The following TLR2 variants were observed in gnomAD, a reference collection of about 807,000 sequenced individuals.
TLR2 encodes the protein toll like receptor 2, also known as toll-like receptor 2.
A neutral mutation model predicts 9.1 loss-of-function variants in TLR2; 7 were observed. The observed-to-expected ratio is 0.77, with a 90% CI of 0.44 to 1.44. The LOEUF (loss-of-function observed/expected upper bound fraction) is 1.44, where lower values mean the gene tolerates loss of function less well. TLR2 is among the 40% of genes most tolerant of loss of function. The pLI is 0.01. For missense variants in TLR2, 812 were observed against 904.6 expected (o/e 0.90, Z 1.31); for synonymous variants, 317 against 344.6 (o/e 0.92, Z 0.89).
intron 2 of TLR2, among the ~76,000 whole-genome samples, chr4:153,689,935 G>T (rs1488833581): frequency 6.6e-6 from 1 of 152,214 alleles, no homozygotes; most frequent in African/African-American, 2.4e-5. Flanking sequence ...CTCAGCATCA[G>T]TCTCGACATG....
downstream of TLR2, among the ~76,000 whole-genome samples, chr4:153,707,940 C>G (rs945141102): frequency 6.6e-6 from 1 of 152,158 alleles, no homozygotes; most frequent in East Asian, 1.9e-4. Context: ...TCTCCTCTGG[C>G]AACACCCTCA....
chr4:153,697,710 A>G (rs371588708), intron 2 of TLR2, among the ~76,000 whole-genome samples: 1 of 152,192 alleles, frequency 6.6e-6, no homozygotes, highest in Non-Finnish European at 1.5e-5. Flanking sequence ...AAAGAGAGAT[A>G]TTAAACTAAT....
chr4:153,698,457 T>C (rs77437382), intron 2 of TLR2, among the ~76,000 whole-genome samples: 2,089 of 152,252 alleles, frequency 0.014, 19 homozygotes, highest in Middle Eastern at 0.096. Context: ...ATGATATAAA[T>C]TTAGTGTTAA....
At chr4:153,685,105 C>G (rs1034518542) in intron 1 of TLR2, among the ~76,000 whole-genome samples, 7 of 152,344 alleles carry the variant, frequency 4.6e-5, no homozygotes, top group Admixed American at 1.3e-4. Flanking sequence ...GACCTCTGCT[C>G]CCTGGCAGGC....
chr4:153,690,788 G>A (rs990836676), intron 2 of TLR2, among the ~76,000 whole-genome samples: 11 of 152,236 alleles, frequency 7.2e-5, no homozygotes, highest in African/African-American at 2.7e-4. Context: ...AAAGTGTCTA[G>A]CATTAGATAT....
chr4:153,695,185 A>G (rs964439814), intron 2 of TLR2, among the ~76,000 whole-genome samples: 2 of 152,200 alleles, frequency 1.3e-5, no homozygotes, highest in Non-Finnish European at 1.5e-5. Flanking sequence ...TTGGGTATAT[A>G]CCTAGCAGTG....
intron 2 of TLR2, among the ~76,000 whole-genome samples, chr4:153,699,925 C>A (rs180762088): frequency 6.6e-6 from 1 of 152,060 alleles, no homozygotes; most frequent in African/African-American, 2.4e-5. Context: ...TAAGGGAATA[C>A]CTGAAGCTGG....
chr4:153,707,547 C>T (rs1315391333), downstream of TLR2, among the ~76,000 whole-genome samples: 1 of 151,774 alleles, frequency 6.6e-6, no homozygotes, highest in East Asian at 1.9e-4. Flanking sequence ...AAGACACTGT[C>T]TCAAAAAAAC....
In TLR2 at chr4:153,704,643, G is replaced by A. The variant is rs5743703; in HGVS notation, c.1736G>A (p.Arg579His). 5.0e-4 allele frequency: 803 copies of A among 1,613,292 alleles called. 2 individuals are homozygous for A. In the African/African-American group the frequency reaches 9.1e-3, roughly 18 times the overall value. The change falls in exon 3 of 3, where the codon CGC (arginine) becomes CAC (histidine). Residue 579 changes from arginine (R) to histidine (H), a missense_variant. By Grantham distance (29) the Arg-to-His change is conservative. Coordinates refer to ENST00000642700, the MANE Select transcript of TLR2 (RefSeq NM_001318789.2). ...CGTGGCCAGCAGGTTCAGGATGTCCGCCTCTCGGTGTCGGAATGTCACAGG... is the reference window on the plus strand; with the variant it reads ...CGTGGCCAGCAGGTTCAGGATGTCCACCTCTCGGTGTCGGAATGTCACAGG... ...HVRGQQVQDV[R>H]LSVSECHRTA... is the part of the protein sequence containing the mutation.
chr4:153,694,266 A>G (rs1051624543), intron 2 of TLR2, among the ~76,000 whole-genome samples: 5 of 152,214 alleles, frequency 3.3e-5, no homozygotes, highest in East Asian at 1.9e-4. Context: ...GTGGTTTTCC[A>G]TCTTGGGTGG....
In TLR2 at chr4:153,703,769, AC is replaced by A; in HGVS notation, c.865del (p.Asn290MetfsTer15). 6.2e-7 allele frequency: 1 copy of A among 1,613,978 alleles called. No homozygotes were observed. Among genetic ancestry groups the A allele is most frequent in the Non-Finnish European group, 8.5e-7 (1 of 1,180,000 alleles). ...GTTAGAATTAGAGTTTGATGACTGT[AC>A]CCTTAATGGAGTTGGTAATTTTAGA... ...GLLELEFDDC[T>X]LNGVGNFRAS... On this transcript the variant is annotated frameshift_variant, in exon 3 of 3. Transcript: ENST00000642700. LOFTEE classifies it low-confidence loss of function (END_TRUNC).
chr4:153,698,564 G>C (rs1736664791), intron 2 of TLR2, among the ~76,000 whole-genome samples: 1 of 152,128 alleles, frequency 6.6e-6, no homozygotes, highest in Non-Finnish European at 1.5e-5. Flanking sequence ...TCACAGAATA[G>C]ATAACGTGAA....
downstream of TLR2, chr4:153,710,506 G>A: frequency 5.0e-6 from 8 of 1,608,100 alleles, no homozygotes; most frequent in Non-Finnish European, 6.8e-6. Flanking sequence ...CTCAGTTAAG[G>A]AGGTTGTTCT....
intron 2 of TLR2, chr4:153,701,930 A>G (rs1736922281): frequency 6.6e-6 from 1 of 152,160 alleles, no homozygotes; most frequent in Admixed American, 6.6e-5. Context: ...AGATTCTGTG[A>G]ATGTGGGGAA....
rs765877496 is a variant in TLR2 at position 153,704,577 on chromosome 4, A to C, written c.1670A>C (p.Asp557Ala). The C allele has an allele frequency of 6.2e-7, 1 of 1,613,116 alleles. No individual in the cohort carries two copies. Among genetic ancestry groups the C allele is most frequent in the Non-Finnish European group, 8.5e-7 (1 of 1,179,942 alleles). ...CAAGCACTGGCCAAAGTCTTGATTG[A>C]TTGGCCAGCAAATTACCTGTGTGAC... ...EQQALAKVLI[D>A]WPANYLCDSP... is the part of the protein sequence containing the mutation. The change falls in exon 3 of 3, where the codon GAT becomes GCT. Residue 557 changes from aspartate (D) to alanine (A), a missense_variant. Physicochemically the swap from Asp to Ala is moderately radical, Grantham distance 126 (BLOSUM62 -2). Coordinates refer to ENST00000642700, the MANE Select transcript of TLR2 (RefSeq NM_001318789.2).
intron 2 of TLR2, among the ~76,000 whole-genome samples, chr4:153,696,799 C>T (rs1001196410): frequency 6.6e-6 from 1 of 151,486 alleles, no homozygotes; most frequent in Non-Finnish European, 1.5e-5. Flanking sequence ...GAAGCTGAGG[C>T]AGGATGATTG....
chr4:153,706,754 A>C (rs1335739748), downstream of TLR2, among the ~76,000 whole-genome samples: 1 of 152,234 alleles, frequency 6.6e-6, no homozygotes, highest in African/African-American at 2.4e-5. Context: ...TGGGCACTAG[A>C]GTCAGAAAGA....
At chr4:153,693,365 G>A (rs1255121065) in intron 2 of TLR2, among the ~76,000 whole-genome samples, 1 of 152,120 alleles carries the variant, frequency 6.6e-6, no homozygotes, top group East Asian at 1.9e-4. Flanking sequence ...AAAGGAAAAG[G>A]CTCAAATGTA....
intron 2 of TLR2, among the ~76,000 whole-genome samples, chr4:153,694,109 T>C (rs980095173): frequency 6.6e-6 from 1 of 152,224 alleles, no homozygotes; most frequent in African/African-American, 2.4e-5. Context: ...TTTCTGTAGA[T>C]TATAGATTAA....
Sources: gnomAD v4.1 joint callset for allele counts (sites outside exome capture counted in the v4.1 genomes callset) on GRCh38, gnomAD v4.1.1 for gene constraint, MANE v1.5 for transcripts, NCBI Gene and HGNC (gene_info 2026-07-23, HGNC 2026-07-21) for gene names.